The following CCBE1 variants were observed in gnomAD, a reference collection of about 807,000 sequenced individuals.
The protein encoded by CCBE1 is collagen and calcium-binding EGF domain-containing protein 1.
A neutral mutation model predicts 50.0 loss-of-function variants in CCBE1; 37 were observed. The ratio of observed to expected loss-of-function variants is 0.74; its 90% CI spans 0.57 to 0.97. CCBE1 has a LOEUF of 0.97. CCBE1 is among the 50% of genes least tolerant of loss of function. The pLI is 0.00. For synonymous variants in CCBE1, 234 were observed against 203.7 expected (o/e 1.15, Z -1.27); for missense variants, 538 against 523.8 (o/e 1.03, Z -0.26).
At chr18:59,553,336 T>G (rs1045044641) in intron 2 of CCBE1, among the ~76,000 whole-genome samples, 2 of 152,152 alleles carry the variant, frequency 1.3e-5, no homozygotes, top group African/African-American at 4.8e-5. Context: ...CAGGGGACAT[T>G]CTTACTGAAC....
intron 2 of CCBE1, among the ~76,000 whole-genome samples, chr18:59,569,627 C>T (rs189365437): frequency 5.3e-5 from 7 of 131,152 alleles, no homozygotes; most frequent in African/African-American, 1.7e-4. Flanking sequence ...CATCTCCCCC[C>T]GCCCTTTTAA....
intron 2 of CCBE1, among the ~76,000 whole-genome samples, chr18:59,680,931 CT>C (rs2054581374): frequency 6.6e-6 from 1 of 151,450 alleles, no homozygotes; most frequent in Non-Finnish European, 1.5e-5. Flanking sequence ...CAAGTGATAC[CT>C]TTTTATTAAG....
intron 2 of CCBE1, among the ~76,000 whole-genome samples, chr18:59,680,234 A>AAG (rs1248156210): frequency 6.6e-6 from 1 of 150,794 alleles, no homozygotes; most frequent in Non-Finnish European, 1.5e-5. Flanking sequence ...AAAGAAAAAA[A>AAG]AAAAGACACA....
chr18:59,581,059 G>A (rs1355866894), intron 2 of CCBE1, among the ~76,000 whole-genome samples: 4 of 152,164 alleles, frequency 2.6e-5, no homozygotes, highest in Non-Finnish European at 4.4e-5. Context: ...TTTTCATACC[G>A]CTTGACACTG....
At chr18:59,505,120 A>C (rs931657889) in intron 2 of CCBE1, among the ~76,000 whole-genome samples, 7 of 152,242 alleles carry the variant, frequency 4.6e-5, no homozygotes, top group Non-Finnish European at 1.0e-4. Context: ...ATTTGATAAA[A>C]ATGATAAATA....
chr18:59,688,953 A>C (rs1257075376), intron 2 of CCBE1, among the ~76,000 whole-genome samples: 1 of 152,250 alleles, frequency 6.6e-6, no homozygotes, highest in East Asian at 1.9e-4. Flanking sequence ...TGGTGTTTGT[A>C]TTAAAGTGGA....
At chr18:59,569,500 G>C (rs2052876899) in intron 2 of CCBE1, among the ~76,000 whole-genome samples, 1 of 152,116 alleles carries the variant, frequency 6.6e-6, no homozygotes, top group Non-Finnish European at 1.5e-5. Flanking sequence ...TAAGAAAACA[G>C]AATGTCAAAG....
chr18:59,469,439 T>C, intron 4 of CCBE1, 34 bp downstream of exon 4: 1 of 1,613,992 alleles, frequency 6.2e-7, no homozygotes, highest in Non-Finnish European at 8.5e-7. Flanking sequence ...AGGCACATGT[T>C]CAGAAGCTGG....
intron 6 of CCBE1, among the ~76,000 whole-genome samples, chr18:59,451,912 A>T (rs986964154): frequency 6.6e-6 from 1 of 151,912 alleles, no homozygotes; most frequent in Admixed American, 6.6e-5. Context: ...CATCCCAATC[A>T]GTCTCCTCTC....
At chr18:59,510,739 T>C (rs369562529) in intron 2 of CCBE1, among the ~76,000 whole-genome samples, 5 of 152,204 alleles carry the variant, frequency 3.3e-5, no homozygotes, top group East Asian at 3.9e-4. Context: ...AATTCAACTT[T>C]CATAAATGCT....
chr18:59,632,307 T>C (rs925337883), intron 2 of CCBE1, among the ~76,000 whole-genome samples: 2 of 152,304 alleles, frequency 1.3e-5, no homozygotes, highest in South Asian at 2.1e-4. Context: ...TCTGGTTTTT[T>C]TGAGACTGAG....
At chr18:59,681,722 C>CT (rs112206145) in intron 2 of CCBE1, among the ~76,000 whole-genome samples, 3,221 of 152,260 alleles carry the variant, frequency 0.021, 98 homozygotes, top group African/African-American at 0.074. Context: ...AGTAAAAAGA[C>CT]TTTTTCCTTT....
intron 2 of CCBE1, among the ~76,000 whole-genome samples, chr18:59,547,151 G>A (rs1437983819): frequency 1.3e-5 from 2 of 149,984 alleles, no homozygotes; most frequent in Middle Eastern, 3.5e-3. Context: ...AGAGAGGGAG[G>A]GAGAGGGAAA....
rs565928550 is a variant in CCBE1 at position 59,489,548 on chromosome 18, G to C, written c.213-9310C>G. ...CCTGCCTCAGTCTCCCAAGTAGCTG[G>C]GATTACTGGGATGTGCCACCATACC... On this transcript the variant is annotated intron_variant, in intron 2 of 10. Transcript: ENST00000439986. 1.0e-3 allele frequency among the ~76,000 whole-genome samples: 154 copies of C among 152,136 alleles called. 1 individual carries two copies. Among genetic ancestry groups the C allele is most frequent in the African/African-American group, 3.3e-3 (137 of 41,476 alleles).
intron 2 of CCBE1, among the ~76,000 whole-genome samples, chr18:59,674,567 A>G (rs1209970633): frequency 1.3e-5 from 2 of 152,166 alleles, no homozygotes; most frequent in African/African-American, 2.4e-5. Context: ...GTATATACCT[A>G]TGTAACAAAC....
intron 2 of CCBE1, among the ~76,000 whole-genome samples, chr18:59,695,064 TAACA>T (rs1044961225): frequency 5.3e-5 from 8 of 152,166 alleles, no homozygotes; most frequent in Admixed American, 1.3e-4. Context: ...GTAATGGCAT[TAACA>T]AACAATCAGG....
intron 2 of CCBE1, among the ~76,000 whole-genome samples, chr18:59,558,245 C>T (rs1450978648): frequency 6.6e-6 from 1 of 152,210 alleles, no homozygotes; most frequent in Non-Finnish European, 1.5e-5. Context: ...TCTCTCAATT[C>T]AGCAGTCTTC....
At chr18:59,672,624 C>A (rs2054448310) in intron 2 of CCBE1, among the ~76,000 whole-genome samples, 1 of 152,196 alleles carries the variant, frequency 6.6e-6, no homozygotes, top group South Asian at 2.1e-4. Context: ...GCCAGCTGAA[C>A]CACTGCAGCC....
chr18:59,525,595 A>G (rs1487310799), intron 2 of CCBE1, among the ~76,000 whole-genome samples: 1 of 152,228 alleles, frequency 6.6e-6, no homozygotes, highest in Non-Finnish European at 1.5e-5. Context: ...CCTTAGTTTA[A>G]TTAGATCCCA....
Sources: gnomAD v4.1 joint callset for allele counts (sites outside exome capture counted in the v4.1 genomes callset) on GRCh38, gnomAD v4.1.1 for gene constraint, MANE v1.5 for transcripts, NCBI Gene and HGNC (gene_info 2026-07-23, HGNC 2026-07-21) for gene names.